The following ABCF1 variants were observed in gnomAD, a reference collection of about 807,000 sequenced individuals.
ABCF1 encodes the protein ATP binding cassette subfamily F member 1.
ABCF1 carries 73 observed loss-of-function variants against 126.3 expected under a neutral mutation model. The observed-to-expected ratio is 0.58, with a 90% confidence interval of 0.48 to 0.70. ABCF1 has a LOEUF of 0.70. Among genes scored for constraint, ABCF1 ranks in the 30% least tolerant of loss-of-function variants. The pLI, the probability that ABCF1 is intolerant of heterozygous loss-of-function variation, is 0.00. For synonymous variants in ABCF1, 345 were observed against 396.4 expected (o/e 0.87, Z 1.54); for missense variants, 786 against 1,057.5 (o/e 0.74, Z 3.56).
rs1463870465 is a variant in ABCF1 at position 30,571,461 on chromosome 6, G to C, written c.-27G>C. On this transcript the variant is annotated 5_prime_UTR_variant, in exon 1 of 25. Transcript: ENST00000326195. ...GGAAGCGGAAATAGCACCGGGCGCC[G>C]CCACAGTAGCTGTAACTGCCACCGC... 16 of 1,599,602 alleles carry C rather than the reference G, an allele frequency of 1.0e-5. No individual in the cohort carries two copies. The highest frequency in any genetic ancestry group is 1.3e-5 in the African/African-American group (1 of 74,774).
intron 1 of ABCF1, among the ~76,000 whole-genome samples, chr6:30,573,211 A>AT (rs1032586205): frequency 6.6e-6 from 1 of 152,240 alleles, no homozygotes; most frequent in African/African-American, 2.4e-5. Context: ...AGGAGGCGGC[A>AT]TTGATCGGAA....
chr6:30,584,498 C>T lies in ABCF1; in HGVS notation c.1323C>T (p.Asp441=), dbSNP rs1006263935. The part of the protein sequence containing the change: ...ARRILAGLGF[D]PEMQNRPTQK... The stretch of plus-strand genomic sequence containing the variant: ...GGATCCTGGCTGGCCTGGGCTTTGA[C>T]CCTGAAATGCAGAATCGACCCACAC... Residue 441 remains aspartate (D), a synonymous_variant, in exon 14 of 25, where the codon GAC becomes GAT. Transcript: ENST00000326195. The surrounding 1 kb of genome is among the most constrained non-coding windows in gnomAD (Gnocchi z 4.6). 3.7e-6 allele frequency: 6 copies of T among 1,612,844 alleles called. No individual in the cohort carries two copies. The highest frequency in any genetic ancestry group is 5.1e-6 in the Non-Finnish European group (6 of 1,180,028).
At position 30,579,896 on chromosome 6, in the gene ABCF1, T is replaced by C. The variant is rs774158729; in HGVS notation, c.490-35T>C. ...CAGCAAAGTAGCACAATAATTTGTA[T>C]GTATGTGTGTAATGTGTATGTGTGT... On this transcript the variant is annotated intron_variant, in intron 6 of 24. Coordinates refer to ENST00000326195, the MANE Select transcript of ABCF1 (RefSeq NM_001025091.2). The C allele has an allele frequency of 1.3e-5, 21 of 1,595,112 alleles. No individual in the cohort carries two copies. The East Asian group carries it at 3.8e-4, about 29-fold the overall frequency.
At chr6:30,589,603 A>G (rs1802331119) in intron 20 of ABCF1, 85 bp from the exon 21 acceptor site, 4 of 246,226 alleles carry the variant, frequency 1.6e-5, no homozygotes, top group Non-Finnish European at 2.8e-5. Context: ...ACTCCGTCTC[A>G]AAAAAAAAAA....
rs1316242493 is a variant in ABCF1, at chr6:30,590,912, A to G, written c.*211A>G. 3.8e-6 allele frequency: 2 copies of G among 533,232 alleles called. No homozygotes were observed. Among genetic ancestry groups the G allele is most frequent in the African/African-American group, 1.9e-5 (1 of 51,734 alleles). The allele number at this position is 533,232 out of a possible 1,614,324, so 33.0% of individuals were successfully genotyped here. A position where few individuals can be genotyped will look rare whatever the true frequency, so the allele number is the denominator to read the frequency against. On this transcript the variant is annotated 3_prime_UTR_variant, in exon 25 of 25. Coordinates refer to ENST00000326195, the MANE Select transcript of ABCF1 (RefSeq NM_001025091.2). ...ACTTGTTTGTTCTGCTTCTCTTCAT[A>G]TAACTGAGCTGGCCTTATCCTTGGC...
chr6:30,580,346 CAA>C (rs4148250), intron 7 of ABCF1, 58 bp from the exon 8 acceptor site: 2,437 of 717,744 alleles, frequency 3.4e-3, no homozygotes, highest in East Asian at 4.8e-3. Context: ...GACTCCGTCT[CAA>C]AAAAAAAAAA....
chr6:30,585,462 C>A, intron 15 of ABCF1, 96 bp from the exon 16 acceptor site: 2 of 1,586,682 alleles, frequency 1.3e-6, no homozygotes, highest in Non-Finnish European at 1.7e-6. Flanking sequence ...TATTCAGACC[C>A]CCCTTTCCCT....
rs142402689 is a variant in ABCF1 at position 30,583,358 on chromosome 6, A to C, written c.915+170A>C. Among the ~76,000 whole-genome samples, 1 of 152,370 alleles carries C rather than the reference A, an allele frequency of 6.6e-6. No homozygotes were observed. Among genetic ancestry groups the C allele is most frequent in the East Asian group, 1.9e-4 (1 of 5,188 alleles). ...ACTTGAGCAAGAAGATAGAAAAACCAGTAGAAGTGGGGTCCACCCTTGGCA... is the reference window on the plus strand; with the variant it reads ...ACTTGAGCAAGAAGATAGAAAAACCCGTAGAAGTGGGGTCCACCCTTGGCA... On this transcript the variant is annotated intron_variant, in intron 10 of 24. Transcript: ENST00000326195. This position sits in a 1 kb window ranked among gnomAD's most constrained non-coding sequence, Gnocchi z 4.1.
Position 30,589,683 on chromosome 6 carries a change from T to C in ABCF1, c.2032-5T>C. 1 of 1,614,066 alleles carries C rather than the reference T, an allele frequency of 6.2e-7. No individual in the cohort carries two copies. Among genetic ancestry groups the C allele is most frequent in the Non-Finnish European group, 8.5e-7 (1 of 1,180,020 alleles). On this transcript the variant is annotated splice_region_variant and splice_polypyrimidine_tract_variant and intron_variant, in intron 20 of 24. Coordinates refer to ENST00000326195, the MANE Select transcript of ABCF1 (RefSeq NM_001025091.2). ...TCCTCTTAACTACTTTGTCTTCCCTTGCAGACCCATGGGGAAATGAGAAAG... is the reference window on the plus strand; with the variant it reads ...TCCTCTTAACTACTTTGTCTTCCCTCGCAGACCCATGGGGAAATGAGAAAG...
chr6:30,587,142 A>T (rs919087924), intron 20 of ABCF1, among the ~76,000 whole-genome samples: 17 of 151,854 alleles, frequency 1.1e-4, no homozygotes, highest in Non-Finnish European at 1.9e-4. Flanking sequence ...TATCCTAGCT[A>T]CTCAGGAGGC....
Position 30,584,128 on chromosome 6 carries a change from AG to A in ABCF1, c.1103-61del. ...TCAGGCAAAACAGAAATGTAATTGA[AG>A]GGAAAGAAAGATGAGACTCTTGGCT... On this transcript the variant is annotated intron_variant, in intron 12 of 24. Coordinates refer to ENST00000326195, the MANE Select transcript of ABCF1 (RefSeq NM_001025091.2). This position sits in a 1 kb window ranked among gnomAD's most constrained non-coding sequence, Gnocchi z 4.6. 6.4e-7 allele frequency: 1 copy of A among 1,562,014 alleles called. No individual in the cohort carries two copies. The highest frequency in any genetic ancestry group is 8.6e-7 in the Non-Finnish European group (1 of 1,157,478).
rs754512420 is a variant in ABCF1, at chr6:30,586,273, C to A, written c.1853C>A (p.Pro618Gln). The A allele has an allele frequency of 1.9e-6, 3 of 1,611,994 alleles. No homozygotes were observed. The highest frequency in any genetic ancestry group is 1.1e-5 in the South Asian group (1 of 90,866). The change falls in exon 18 of 25, where the codon CCA becomes CAA. Residue 618 changes from proline to glutamine, a missense_variant. Physicochemically the swap from Pro to Gln is moderately conservative, Grantham distance 76. Coordinates refer to ENST00000326195, the MANE Select transcript of ABCF1 (RefSeq NM_001025091.2). The surrounding 1 kb of genome is among the most constrained non-coding windows in gnomAD (Gnocchi z 4.9). ...GTGCGCTTCACTTTTCCAGACCCCC[C>A]ACCACTCAGCCCTCCAGTGCTGGGT... The part of the protein sequence containing the change: ...YTVRFTFPDP[P>Q]PLSPPVLGLH...
At chr6:30,589,551 C>T (rs958087346) in intron 20 of ABCF1, 137 bp from the exon 21 acceptor site, 7 of 972,590 alleles carry the variant, frequency 7.2e-6, no homozygotes, top group South Asian at 3.3e-5. Flanking sequence ...TGCAGTGAGC[C>T]GAGATCGCGC....
intron 2 of ABCF1, 102 bp downstream of exon 2, chr6:30,577,557 T>A (rs1352429028): frequency 7.1e-7 from 1 of 1,412,944 alleles, no homozygotes; most frequent in Non-Finnish European, 9.7e-7. Context: ...GGAGAAAAGA[T>A]CTTGTCAAGA....
chr6:30,580,322 G>A, intron 7 of ABCF1, 84 bp from the exon 8 acceptor site: 2 of 1,057,374 alleles, frequency 1.9e-6, no homozygotes, highest in South Asian at 1.7e-5. Context: ...ACTCCAGCCT[G>A]GGTGACAGAG....
chr6:30,579,246 TTA>T (rs1328647591), intron 6 of ABCF1, among the ~76,000 whole-genome samples: 1 of 152,078 alleles, frequency 6.6e-6, no homozygotes, highest in Non-Finnish European at 1.5e-5. Context: ...CGTTCCCTAG[TTA>T]TCTCTTCGCT....
Position 30,583,227 on chromosome 6 carries a change from G to A in ABCF1, c.915+39G>A. The A allele has an allele frequency of 6.3e-7, 1 of 1,577,402 alleles. No homozygotes were observed. Among genetic ancestry groups the A allele is most frequent in the South Asian group, 1.1e-5 (1 of 88,654 alleles). On this transcript the variant is annotated intron_variant, in intron 10 of 24. Coordinates refer to ENST00000326195, the MANE Select transcript of ABCF1 (RefSeq NM_001025091.2). The surrounding 1 kb of genome is among the most constrained non-coding windows in gnomAD (Gnocchi z 4.1). ...GGGCCCCTTCCAGTCCACTTACCTA[G>A]GGAAGAGCCAGTTCTCTCATCTTCC... is the stretch of plus-strand genomic sequence containing the variant.
intron 1 of ABCF1, among the ~76,000 whole-genome samples, chr6:30,576,276 CTTTTTTTTTTTT>C (rs9256927): frequency 4.3e-4 from 19 of 44,160 alleles, no homozygotes; most frequent in South Asian, 2.7e-3. Flanking sequence ...TCTGAGTGCT[CTTTTTTTTTTTT>C]TTTTTTTTTT....
At position 30,579,988 on chromosome 6, in the gene ABCF1, T is replaced by C; in HGVS notation, c.547T>C (p.Ser183Pro). The C allele has an allele frequency of 6.2e-7, 1 of 1,612,136 alleles. No homozygotes were observed. Among genetic ancestry groups the C allele is most frequent in the Non-Finnish European group, 8.5e-7 (1 of 1,179,728 alleles). ...GGGCAAAAAGGGAAAGGAAGAGAAG[T>C]CAAAAGGGAAGGCTAAGGTGAGAGA... is the stretch of plus-strand genomic sequence containing the variant. ...LKGKKGKEEK[S>P]KGKAKPQNKF... The change falls in exon 7 of 25, where the codon TCA becomes CCA. Residue 183 changes from serine to proline, a missense_variant. By Grantham distance (74) the Ser-to-Pro change is moderately conservative. Around this residue, in one of 4 missense-constraint regions of ABCF1, gnomAD observed 322 missense variants for 322.9 expected, o/e 1.00. Coordinates refer to ENST00000326195, the MANE Select transcript of ABCF1 (RefSeq NM_001025091.2).
Sources: allele counts gnomAD v4.1 joint callset (sites outside exome capture counted in the v4.1 genomes callset), GRCh38; gene constraint gnomAD v4.1.1; regional missense constraint gnomAD v4.1.1; non-coding constraint Gnocchi (gnomAD v3.1); transcripts MANE v1.5; gene names NCBI Gene and HGNC (gene_info 2026-07-23, HGNC 2026-07-21).